The following TRHDE variants were observed in gnomAD, a reference collection of about 807,000 sequenced individuals.
TRHDE encodes thyrotropin-releasing hormone-degrading ectoenzyme.
Under a neutral mutation model 125.7 loss-of-function variants are expected in TRHDE, and 72 were observed. The observed-to-expected ratio is 0.57, with a 90% CI of 0.47 to 0.70. The LOEUF is 0.70. TRHDE is among the 30% of genes least tolerant of loss of function. The pLI is 0.00. For synonymous variants in TRHDE, 509 were observed against 509.1 expected, an observed-to-expected ratio of 1.00 and a Z score of 0.00; for missense variants, 1,110 against 1,327.1, an observed-to-expected ratio of 0.84 and a Z score of 2.54.
At chr12:72,517,739 G>C (rs1031397801) in intron 6 of TRHDE, among the ~76,000 whole-genome samples, 43 of 151,224 alleles carry the variant, frequency 2.8e-4, no homozygotes, top group African/African-American at 1.0e-3. Flanking sequence ...GTGATGTTAG[G>C]GTGTCAATTT....
At chr12:72,110,632 A>G (rs1404043831) in intron 2 of TRHDE, among the ~76,000 whole-genome samples, 1 of 152,182 alleles carries the variant, frequency 6.6e-6, no homozygotes, top group Admixed American at 6.6e-5. Context: ...CTTAGATTAA[A>G]TAACACTAGG....
At chr12:72,318,368 T>A (rs149458417) in intron 2 of TRHDE, among the ~76,000 whole-genome samples, 4 of 152,142 alleles carry the variant, frequency 2.6e-5, no homozygotes, top group Non-Finnish European at 5.9e-5. Context: ...AACCTTGTAA[T>A]TGGTAAAAAG....
chr12:72,461,621 T>G (rs1266058961), intron 3 of TRHDE, among the ~76,000 whole-genome samples: 1 of 152,162 alleles, frequency 6.6e-6, no homozygotes, highest in East Asian at 1.9e-4. Context: ...TACAACTTTT[T>G]TTTTTTTTTA....
At chr12:72,396,129 C>T (rs1431406830) in intron 3 of TRHDE, among the ~76,000 whole-genome samples, 2 of 152,162 alleles carry the variant, frequency 1.3e-5, no homozygotes, top group Admixed American at 1.3e-4. Context: ...CACTCTTTCT[C>T]ACATCATCAG....
chr12:72,139,767 C>T (rs1459307136), intron 2 of TRHDE, among the ~76,000 whole-genome samples: 2 of 151,898 alleles, frequency 1.3e-5, no homozygotes, highest in African/African-American at 4.8e-5. Flanking sequence ...ATTCTAAGCC[C>T]CCCAACCAAC....
At chr12:72,139,628 A>G (rs1876067037) in intron 2 of TRHDE, among the ~76,000 whole-genome samples, 1 of 141,804 alleles carries the variant, frequency 7.1e-6, no homozygotes, top group Non-Finnish European at 1.5e-5. Flanking sequence ...CAGGAAAATA[A>G]AAATAGAATT....
At chr12:72,113,908 A>G (rs1875380971) in intron 2 of TRHDE, among the ~76,000 whole-genome samples, 1 of 152,032 alleles carries the variant, frequency 6.6e-6, no homozygotes, top group Non-Finnish European at 1.5e-5. Flanking sequence ...TACTCATTAT[A>G]TGGTTTACAT....
rs73334818 is a variant in TRHDE, at chr12:72,619,544, A to G, written c.2469+506A>G. 2.3e-3 allele frequency among the ~76,000 whole-genome samples: 345 copies of G among 152,316 alleles called. 3 individuals are homozygous for G. The highest frequency in any genetic ancestry group is 7.9e-3 in the African/African-American group (329 of 41,576). The stretch of plus-strand genomic sequence containing the variant: ...GGGGATACAGGAAAGCAAACAACAG[A>G]CAATCCAAAGAGACAAGAAGACATG... On this transcript the variant is annotated intron_variant, in intron 13 of 18. Transcript: ENST00000261180.
intron 15 of TRHDE, among the ~76,000 whole-genome samples, chr12:72,641,036 G>A (rs11179298): frequency 0.16 from 23,670 of 152,068 alleles, 2,516 homozygotes; most frequent in East Asian, 0.54. Context: ...GGGACTTTAG[G>A]ACTCATGTGT....
At chr12:72,360,896 G>A (rs1420872056) in intron 2 of TRHDE, among the ~76,000 whole-genome samples, 1 of 151,672 alleles carries the variant, frequency 6.6e-6, no homozygotes, top group African/African-American at 2.4e-5. Context: ...GTAAACGTGT[G>A]CTGGGGTGGT....
At chr12:72,315,027 G>T (rs1868730872) in intron 2 of TRHDE, among the ~76,000 whole-genome samples, 1 of 152,078 alleles carries the variant, frequency 6.6e-6, no homozygotes, top group African/African-American at 2.4e-5. Flanking sequence ...AAAATAAATT[G>T]TTTAGGCAGA....
At chr12:72,205,851 C>T (rs1197175914) in intron 2 of TRHDE, among the ~76,000 whole-genome samples, 4 of 152,094 alleles carry the variant, frequency 2.6e-5, no homozygotes, top group Non-Finnish European at 1.5e-5. Flanking sequence ...GTTTTTAATG[C>T]TTTTGAGTAT....
chr12:72,583,663 A>G (rs377305475), intron 12 of TRHDE, among the ~76,000 whole-genome samples: 2 of 152,212 alleles, frequency 1.3e-5, no homozygotes, highest in Admixed American at 6.5e-5. Context: ...ACTTATTTCT[A>G]TTATAACTCA....
At chr12:72,204,952 G>A (rs1193503548) in intron 2 of TRHDE, among the ~76,000 whole-genome samples, 1 of 152,150 alleles carries the variant, frequency 6.6e-6, no homozygotes, top group Non-Finnish European at 1.5e-5. Flanking sequence ...CACTTTCTAG[G>A]AAGGGTGCTA....
At chr12:72,468,509 T>A (rs2135895593) in intron 3 of TRHDE, among the ~76,000 whole-genome samples, 1 of 152,340 alleles carries the variant, frequency 6.6e-6, no homozygotes, top group African/African-American at 2.4e-5. Context: ...TATCAAGAAG[T>A]AGAACTTCTG....
intron 1 of TRHDE, chr12:72,274,903 T>G (rs1207621477): frequency 1.3e-5 from 2 of 152,244 alleles, no homozygotes; most frequent in African/African-American, 4.8e-5. Context: ...GGTATATTGT[T>G]GAATGAATAA....
intron 2 of TRHDE, among the ~76,000 whole-genome samples, chr12:72,203,701 G>A (rs902899152): frequency 2.6e-5 from 4 of 152,100 alleles, no homozygotes; most frequent in African/African-American, 9.7e-5. Flanking sequence ...CTAACTTGGA[G>A]CTCAGGAAGA....
chr12:72,274,979 G>A (rs1384170285), intron 1 of TRHDE: 1 of 152,210 alleles, frequency 6.6e-6, no homozygotes, highest in African/African-American at 2.4e-5. Flanking sequence ...AAATGACTGA[G>A]GGCAGATGAA....
At chr12:72,169,480 T>G (rs1355160344) in intron 2 of TRHDE, among the ~76,000 whole-genome samples, 2 of 152,188 alleles carry the variant, frequency 1.3e-5, no homozygotes. Flanking sequence ...TTGAAGCCTT[T>G]CTTCCTGGCT....
Sources: allele counts gnomAD v4.1 joint callset (sites outside exome capture counted in the v4.1 genomes callset), GRCh38; gene constraint gnomAD v4.1.1; transcripts MANE v1.5; gene names NCBI Gene and HGNC (gene_info 2026-07-23, HGNC 2026-07-21).